Variants in ATP11B observed in about 807,000 individuals in gnomAD.
ATP11B encodes the protein phospholipid-transporting ATPase IF.
Under a neutral mutation model 157.8 loss-of-function variants are expected in ATP11B, and 81 were observed. That is an observed-to-expected ratio of 0.51 (90% CI 0.43 to 0.62). The LOEUF is 0.62. ATP11B is among the 20% of genes least tolerant of loss of function. The pLI, the probability that ATP11B is intolerant of heterozygous loss-of-function variation, is 0.00. For synonymous variants in ATP11B, 451 were observed against 469.4 expected, an observed-to-expected ratio of 0.96 and a Z score of 0.51; for missense variants, 1,165 against 1,402.2, an observed-to-expected ratio of 0.83 and a Z score of 2.70.
chr3:182,821,965 A>G (rs977891015), intron 2 of ATP11B, among the ~76,000 whole-genome samples: 2 of 152,106 alleles, frequency 1.3e-5, no homozygotes, highest in Non-Finnish European at 2.9e-5. Flanking sequence ...GCCCTGCCCC[A>G]TGTTGCTGCC....
At chr3:182,895,112 C>CAAAAAA (rs368282275) in intron 25 of ATP11B, among the ~76,000 whole-genome samples, 1 of 68,272 alleles carries the variant, frequency 1.5e-5, no homozygotes, top group African/African-American at 5.8e-5. Flanking sequence ...GACCCTGACT[C>CAAAAAA]AAAAAAAAAA....
intron 7 of ATP11B, 98 bp from the exon 8 acceptor site, chr3:182,841,977 C>CAAAAAA (rs11401208): frequency 1.7e-4 from 63 of 362,508 alleles, no homozygotes; most frequent in Admixed American, 3.8e-4. Flanking sequence ...AGACTCGTCT[C>CAAAAAA]AAAAAAAAAA....
intron 28 of ATP11B, among the ~76,000 whole-genome samples, chr3:182,909,208 A>G (rs779399978): frequency 1.3e-5 from 2 of 152,262 alleles, no homozygotes; most frequent in Non-Finnish European, 2.9e-5. Context: ...TGACATGAAA[A>G]TAATGGAAAT....
chr3:182,914,073 C>G (rs1348378636), intron 29 of ATP11B, 79 bp downstream of exon 29: 2 of 1,568,744 alleles, frequency 1.3e-6, no homozygotes, highest in East Asian at 2.3e-5. Flanking sequence ...CTCTAGATAC[C>G]TAATAAATCA....
At chr3:182,832,232 G>A (rs1165580913) in intron 4 of ATP11B, among the ~76,000 whole-genome samples, 1 of 152,162 alleles carries the variant, frequency 6.6e-6, no homozygotes, top group African/African-American at 2.4e-5. Flanking sequence ...AAAAGGTTAT[G>A]CCTAGAACCT....
At chr3:182,822,822 AGAT>A (rs1396346845) in intron 2 of ATP11B, among the ~76,000 whole-genome samples, 3 of 152,184 alleles carry the variant, frequency 2.0e-5, no homozygotes, top group African/African-American at 7.2e-5. Flanking sequence ...AACTGGTGTG[AGAT>A]GATATCTCAT....
At chr3:182,806,113 T>C (rs562321338) in intron 1 of ATP11B, among the ~76,000 whole-genome samples, 1 of 152,332 alleles carries the variant, frequency 6.6e-6, no homozygotes, top group African/African-American at 2.4e-5. Flanking sequence ...ATAGTCACTA[T>C]TGAATGGGAA....
At chr3:182,805,232 C>T (rs1332405440) in intron 1 of ATP11B, among the ~76,000 whole-genome samples, 5 of 152,200 alleles carry the variant, frequency 3.3e-5, no homozygotes, top group African/African-American at 1.2e-4. Context: ...GACCATTTTA[C>T]ATTCCCACTA....
intron 1 of ATP11B, among the ~76,000 whole-genome samples, chr3:182,804,406 C>T (rs1356363654): frequency 6.6e-6 from 1 of 151,940 alleles, no homozygotes; most frequent in African/African-American, 2.4e-5. Flanking sequence ...CCACGACGCC[C>T]GGCTAATTTT....
intron 28 of ATP11B, among the ~76,000 whole-genome samples, chr3:182,912,003 A>G (rs980114820): frequency 6.6e-6 from 1 of 152,106 alleles, no homozygotes; most frequent in Non-Finnish European, 1.5e-5. Context: ...GCACCAGAGC[A>G]TTGGGAAGCA....
chr3:182,892,866 T>C (rs1220429192), intron 25 of ATP11B, among the ~76,000 whole-genome samples: 1 of 152,186 alleles, frequency 6.6e-6, no homozygotes, highest in Non-Finnish European at 1.5e-5. Flanking sequence ...CAGAGCACTA[T>C]ACAAAAGATA....
intron 28 of ATP11B, among the ~76,000 whole-genome samples, chr3:182,901,975 A>G (rs942606372): frequency 1.3e-5 from 2 of 152,174 alleles, no homozygotes; most frequent in Admixed American, 1.3e-4. Context: ...GTCTAATCCA[A>G]GAAGGAAGTC....
At chr3:182,879,150 A>G (rs1212948382) in intron 19 of ATP11B, among the ~76,000 whole-genome samples, 1 of 152,098 alleles carries the variant, frequency 6.6e-6, no homozygotes, top group African/African-American at 2.4e-5. Flanking sequence ...GCTCATGCCT[A>G]TAGTCCAAGA....
At chr3:182,900,276 T>G (rs1723861660) in intron 28 of ATP11B, among the ~76,000 whole-genome samples, 1 of 152,214 alleles carries the variant, frequency 6.6e-6, no homozygotes, top group African/African-American at 2.4e-5. Context: ...GATCACTTCA[T>G]AAGCCTCAGT....
chr3:182,821,038 T>C (rs1717309977), intron 2 of ATP11B, among the ~76,000 whole-genome samples: 1 of 152,216 alleles, frequency 6.6e-6, no homozygotes, highest in Non-Finnish European at 1.5e-5. Context: ...TCAATTGAAG[T>C]CCTAGGAAAT....
chr3:182,880,743 T>C, intron 20 of ATP11B, 136 bp from the exon 21 acceptor site: 1 of 432,248 alleles, frequency 2.3e-6, no homozygotes, highest in Non-Finnish European at 4.1e-6. Context: ...AAAATGAACC[T>C]GCATATTATT....
chr3:182,821,553 T>A (rs1173522468), intron 2 of ATP11B, among the ~76,000 whole-genome samples: 2 of 152,242 alleles, frequency 1.3e-5, no homozygotes, highest in Non-Finnish European at 2.9e-5. Flanking sequence ...GTGGCATTTT[T>A]AAGTTGTCTT....
intron 10 of ATP11B, among the ~76,000 whole-genome samples, chr3:182,854,644 A>T (rs1266980616): frequency 1.3e-5 from 2 of 152,188 alleles, no homozygotes; most frequent in Non-Finnish European, 2.9e-5. Context: ...CAGGCTAAAC[A>T]TTTAAAGAAA....
In ATP11B at chr3:182,898,610, AT is replaced by A; in HGVS notation, c.3161del (p.Leu1054TrpfsTer23). On this transcript the variant is annotated frameshift_variant, in exon 28 of 30. Transcript: ENST00000323116. LOFTEE classifies it high-confidence loss of function. ...SLFYGGILWP[F>X]LGSQNMYFVF... ...AGCACATTTTCTTTCTTTGCAGGCCATTTTTGGGCTCCCAGAATATGTATTT... is the reference window on the plus strand; with the variant it reads ...AGCACATTTTCTTTCTTTGCAGGCCATTTTGGGCTCCCAGAATATGTATTT... 3 of 1,589,206 alleles carry A rather than the reference AT, an allele frequency of 1.9e-6. No homozygotes were observed. Among genetic ancestry groups the A allele is most frequent in the African/African-American group, 2.7e-5 (2 of 73,826 alleles).
Sources: allele counts gnomAD v4.1 joint callset (sites outside exome capture counted in the v4.1 genomes callset), GRCh38; gene constraint gnomAD v4.1.1; transcripts MANE v1.5; gene names NCBI Gene and HGNC (gene_info 2026-07-23, HGNC 2026-07-21).